SOX5: variants seen among roughly 807,000 people sequenced by gnomAD.
SOX5 encodes transcription factor SOX-5.
In SOX5, 9 loss-of-function variants were observed where a neutral mutation model predicts 92.0. The ratio of observed to expected loss-of-function variants is 0.10; its 90% CI spans 0.06 to 0.17. The LOEUF is 0.17. SOX5 is among the 10% of genes least tolerant of loss of function. The pLI, the probability that SOX5 is intolerant of heterozygous loss-of-function variation, is 1.00. For synonymous variants in SOX5, 344 were observed against 336.3 expected (o/e 1.02, Z -0.25); for missense variants, 642 against 944.5 (o/e 0.68, Z 4.20).
intron 3 of SOX5, among the ~76,000 whole-genome samples, chr12:23,821,917 T>G (rs1447466008): frequency 7.5e-6 from 1 of 132,742 alleles, no homozygotes; most frequent in Non-Finnish European, 1.6e-5. Context: ...TAGAGGTGTT[T>G]ATAGTATTCT....
chr12:24,061,116 C>T (rs4963564), intron 4 of SOX5, among the ~76,000 whole-genome samples: 16,072 of 151,864 alleles, frequency 0.11, 938 homozygotes, highest in Non-Finnish European at 0.12. Flanking sequence ...CTTTCCTCCT[C>T]CTTTTTTTTT....
At chr12:23,935,759 T>A (rs1166328152) in intron 1 of SOX5, among the ~76,000 whole-genome samples, 1 of 151,242 alleles carries the variant, frequency 6.6e-6, no homozygotes, top group Non-Finnish European at 1.5e-5. Flanking sequence ...ATTTTCAATA[T>A]TTATTCAGCA....
At chr12:24,247,645 CTTTTTTTT>C (rs11300258) in intron 3 of SOX5, among the ~76,000 whole-genome samples, 19 of 75,572 alleles carry the variant, frequency 2.5e-4, no homozygotes, top group African/African-American at 5.5e-4. Flanking sequence ...TATTTATTTA[CTTTTTTTT>C]TTTTTTTTTT....
chr12:24,548,991 T>A (rs1952905066), intron 1 of SOX5, among the ~76,000 whole-genome samples: 1 of 152,194 alleles, frequency 6.6e-6, no homozygotes. Flanking sequence ...CTATTTCCCT[T>A]CCACTCTGCT....
intron 3 of SOX5, among the ~76,000 whole-genome samples, chr12:24,267,516 A>G (rs932425364): frequency 6.6e-6 from 1 of 152,200 alleles, no homozygotes; most frequent in African/African-American, 2.4e-5. Flanking sequence ...TATGCAAAAT[A>G]TATTTGCATT....
At chr12:23,745,736 ATTT>A (rs2093960570) in intron 4 of SOX5, among the ~76,000 whole-genome samples, 1 of 151,684 alleles carries the variant, frequency 6.6e-6, no homozygotes, top group African/African-American at 2.4e-5. Context: ...CACGGATAAC[ATTT>A]GTTCTCTTCT....
chr12:24,037,184 A>C (rs1268933831), intron 4 of SOX5, among the ~76,000 whole-genome samples: 1 of 152,148 alleles, frequency 6.6e-6, no homozygotes, highest in African/African-American at 2.4e-5. Context: ...ACTCTCCCTG[A>C]CCTTTGCAAG....
intron 1 of SOX5, among the ~76,000 whole-genome samples, chr12:24,441,505 A>G (rs1190827367): frequency 6.6e-6 from 1 of 152,206 alleles, no homozygotes; most frequent in African/African-American, 2.4e-5. Flanking sequence ...ATTGCATATT[A>G]TCGGAGCTTG....
At chr12:24,528,584 A>G (rs1330454779) in intron 1 of SOX5, among the ~76,000 whole-genome samples, 5 of 152,196 alleles carry the variant, frequency 3.3e-5, no homozygotes, top group Admixed American at 3.3e-4. Flanking sequence ...ATATATCACT[A>G]TCCCTTGGAA....
At chr12:23,974,023 C>T (rs2140175128) in intron 4 of SOX5, among the ~76,000 whole-genome samples, 2 of 151,996 alleles carry the variant, frequency 1.3e-5, no homozygotes, top group Admixed American at 1.3e-4. Context: ...GCTGTATATG[C>T]TGTTTTTTTT....
chr12:23,947,982 C>T (rs1944898050), intron 1 of SOX5, among the ~76,000 whole-genome samples: 1 of 151,978 alleles, frequency 6.6e-6, no homozygotes, highest in African/African-American at 2.4e-5. Flanking sequence ...CATTTAAGTG[C>T]TACTCTGTGC....
In SOX5 at chr12:23,532,822, G is replaced by C. The variant is rs867507514; in HGVS notation, c.*1397C>G. 6.0e-6 allele frequency: 1 copy of C among 166,120 alleles called. No homozygotes were observed. Among genetic ancestry groups the C allele is most frequent in the Non-Finnish European group, 1.3e-5 (1 of 76,266 alleles). The allele number at this position is 166,120 out of a possible 1,614,324, so 10.3% of individuals were successfully genotyped here. On this transcript the variant is annotated 3_prime_UTR_variant, in exon 15 of 15. Coordinates refer to ENST00000451604, the MANE Select transcript of SOX5 (RefSeq NM_006940.6). ...CAGTTTCATTTCCTGATCGGGAAAG[G>C]ATGGAATGTTGAAGAAATAAGCTAA...
chr12:24,520,426 TGATAA>T (rs889652419), intron 1 of SOX5, among the ~76,000 whole-genome samples: 2 of 151,686 alleles, frequency 1.3e-5, no homozygotes, highest in Non-Finnish European at 2.9e-5. Context: ...AAGGTTATAA[TGATAA>T]GATATTTTAA....
chr12:24,189,817 T>C (rs1033623869), intron 4 of SOX5, among the ~76,000 whole-genome samples: 1 of 152,184 alleles, frequency 6.6e-6, no homozygotes, highest in African/African-American at 2.4e-5. Flanking sequence ...CTTTATAAAA[T>C]CATGAAATCA....
At chr12:23,984,106 C>T (rs897932947) in intron 4 of SOX5, among the ~76,000 whole-genome samples, 5 of 152,002 alleles carry the variant, frequency 3.3e-5, no homozygotes, top group African/African-American at 9.7e-5. Flanking sequence ...TTACGTATTC[C>T]CTGGTTCATT....
chr12:24,404,315 A>T (rs1962436321), intron 1 of SOX5, among the ~76,000 whole-genome samples: 1 of 152,230 alleles, frequency 6.6e-6, no homozygotes, highest in African/African-American at 2.4e-5. Context: ...GCAAACCACA[A>T]GTCATATGAA....
intron 6 of SOX5, among the ~76,000 whole-genome samples, chr12:23,708,786 C>T (rs1473020729): frequency 2.0e-5 from 3 of 152,146 alleles, no homozygotes; most frequent in African/African-American, 7.2e-5. Context: ...CAAAAATGAA[C>T]TCAAAGTTTT....
At chr12:24,235,917 T>C (rs117751901) in intron 3 of SOX5, among the ~76,000 whole-genome samples, 1,782 of 152,210 alleles carry the variant, frequency 0.012, 10 homozygotes, top group Non-Finnish European at 0.018. Flanking sequence ...AGGCTGGGTG[T>C]GGTGGCTCAC....
At chr12:23,699,811 C>T (rs938710796) in intron 6 of SOX5, among the ~76,000 whole-genome samples, 6 of 152,054 alleles carry the variant, frequency 3.9e-5, no homozygotes, top group African/African-American at 1.4e-4. Flanking sequence ...AACTTGAACA[C>T]CTATTGTGAT....
Sources: gnomAD v4.1 joint callset for allele counts (sites outside exome capture counted in the v4.1 genomes callset) on GRCh38, gnomAD v4.1.1 for gene constraint, MANE v1.5 for transcripts, NCBI Gene and HGNC (gene_info 2026-07-23, HGNC 2026-07-21) for gene names.